VPS54: variants seen among roughly 807,000 people sequenced by gnomAD.
The protein encoded by VPS54 is vacuolar protein sorting-associated protein 54.
Under a neutral mutation model 121.5 loss-of-function variants are expected in VPS54, and 45 were observed. That is an observed-to-expected ratio of 0.37 (90% CI 0.29 to 0.47). The LOEUF is 0.47. Ranked by LOEUF, VPS54 falls within the 20% of genes least tolerant of loss-of-function variation. The pLI, the probability that VPS54 is intolerant of heterozygous loss-of-function variation, is 0.99. For synonymous variants in VPS54, 371 were observed against 385.8 expected, an observed-to-expected ratio of 0.96 and a Z score of 0.45; for missense variants, 1,090 against 1,131.4, an observed-to-expected ratio of 0.96 and a Z score of 0.52.
chr2:63,981,834 A>C lies in VPS54; in HGVS notation c.190T>G (p.Trp64Gly). The change falls in exon 3 of 23, where the codon TGG (tryptophan) becomes GGG (glycine). Residue 64 changes from tryptophan to glycine, a missense_variant. Coordinates refer to ENST00000272322, the MANE Select transcript of VPS54 (RefSeq NM_016516.3). ...APSLVTDQHR[W>G]TVYHSKVNLP... ...TTTACTTTGGAATGATATACAGTCC[A>C]TCTATGTTGATCTGTAACTAGAGAT... 1 of 1,613,670 alleles carries C rather than the reference A, an allele frequency of 6.2e-7. No individual in the cohort carries two copies. The highest frequency in any genetic ancestry group is 8.5e-7 in the Non-Finnish European group (1 of 1,179,718).
intron 1 of VPS54, among the ~76,000 whole-genome samples, chr2:64,009,138 T>C (rs1678308878): frequency 6.6e-6 from 1 of 152,178 alleles, no homozygotes; most frequent in Admixed American, 6.5e-5. Flanking sequence ...TTCAGGCTCC[T>C]GGTGCTTTCC....
rs1471803997 is a variant in VPS54, at chr2:63,899,420, G to A, written c.2733+54C>T. 4 of 1,497,498 alleles carry A rather than the reference G, an allele frequency of 2.7e-6. No individual in the cohort carries two copies. In the East Asian group the frequency reaches 9.1e-5, roughly 34 times the overall value. 92.8% of individuals were successfully genotyped at this position (1,497,498 alleles called of 1,614,324 possible). A position where few individuals can be genotyped will look rare whatever the true frequency, so the allele number is the denominator to read the frequency against. On this transcript the variant is annotated intron_variant, in intron 21 of 22. Coordinates refer to ENST00000272322, the MANE Select transcript of VPS54 (RefSeq NM_016516.3). ...AAGCATGTAAAAACACCCCAATTCT[G>A]TACAGATATTGTATGTTATATATAC...
chr2:63,994,008 C>T (rs1677458599), intron 1 of VPS54, among the ~76,000 whole-genome samples: 1 of 152,130 alleles, frequency 6.6e-6, no homozygotes, highest in East Asian at 1.9e-4. Flanking sequence ...TTGTGTGTCA[C>T]CAGGAGATCA....
intron 20 of VPS54, among the ~76,000 whole-genome samples, chr2:63,903,285 C>T (rs568231695): frequency 6.6e-6 from 1 of 152,282 alleles, no homozygotes; most frequent in African/African-American, 2.4e-5. Flanking sequence ...GACAACTGAA[C>T]TGAATTCTAC....
At chr2:63,994,949 C>G (rs553200749) in intron 1 of VPS54, among the ~76,000 whole-genome samples, 1 of 152,140 alleles carries the variant, frequency 6.6e-6, no homozygotes, top group Non-Finnish European at 1.5e-5. Flanking sequence ...ATTGGGAGAA[C>G]GAGAATCATC....
intron 20 of VPS54, among the ~76,000 whole-genome samples, chr2:63,902,664 G>A (rs1575884321): frequency 6.6e-6 from 1 of 152,096 alleles, no homozygotes; most frequent in Non-Finnish European, 1.5e-5. Context: ...ACGATTAGAG[G>A]GAGATATAAA....
intron 20 of VPS54, 140 bp from the exon 21 acceptor site, chr2:63,899,721 G>C: frequency 3.1e-6 from 2 of 651,184 alleles, no homozygotes; most frequent in South Asian, 4.2e-5. Flanking sequence ...TTTCAACTGT[G>C]ATCTGCGCTA....
In VPS54 at chr2:63,965,849, A is replaced by G. The variant is rs1256443851; in HGVS notation, c.610T>C (p.Leu204=). ...AAAGAAATTACCTTTTCTTGAAGCA[A>G]CTTTGAGGAAGCTGCATCACGATTT... ...KGNRDAASSK[L]LQEKLSHYLD... is the part of the protein sequence containing the mutation. The change falls in exon 6 of 23, where the codon TTG becomes CTG. Residue 204 remains leucine, a synonymous_variant. Coordinates refer to ENST00000272322, the MANE Select transcript of VPS54 (RefSeq NM_016516.3). 2 of 1,611,950 alleles carry G rather than the reference A, an allele frequency of 1.2e-6. No individual in the cohort carries two copies. The highest frequency in any genetic ancestry group is 1.7e-6 in the Non-Finnish European group (2 of 1,179,514).
rs185986347 is a variant in VPS54, at chr2:63,948,886, G to T, written c.1137+151C>A. The T allele has an allele frequency of 2.7e-5, 21 of 791,904 alleles. No homozygotes were observed. In the Admixed American group the frequency reaches 6.4e-4, roughly 24 times the overall value. The allele number at this position is 791,904 out of a possible 1,614,324, so 49.1% of individuals were successfully genotyped here. ...AGGATAGTGAACAATCATGGTGCTT[G>T]CTCAAGTCACATAGCTAGTGAAGGA... On this transcript the variant is annotated intron_variant, in intron 8 of 22. Coordinates refer to ENST00000272322, the MANE Select transcript of VPS54 (RefSeq NM_016516.3).
intron 22 of VPS54, among the ~76,000 whole-genome samples, chr2:63,896,999 A>AC (rs1477718488): frequency 6.6e-6 from 1 of 152,174 alleles, no homozygotes; most frequent in African/African-American, 2.4e-5. Flanking sequence ...TCTAAGTCCT[A>AC]CCCTATGCTT....
chr2:63,967,029 T>C (rs1006469873), intron 5 of VPS54, among the ~76,000 whole-genome samples: 12 of 152,222 alleles, frequency 7.9e-5, no homozygotes, highest in Admixed American at 6.5e-4. Flanking sequence ...CCTCATACTT[T>C]ATAGAAATTA....
intron 1 of VPS54, among the ~76,000 whole-genome samples, chr2:63,993,729 A>C (rs998740843): frequency 1.1e-4 from 17 of 152,306 alleles, no homozygotes; most frequent in Middle Eastern, 3.4e-3. Flanking sequence ...TATCCAAAAA[A>C]CAAATTGTTT....
At chr2:64,013,585 AATATATATCAATATATATCATATG>A (rs1678532774) in intron 1 of VPS54, among the ~76,000 whole-genome samples, 2 of 146,288 alleles carry the variant, frequency 1.4e-5, no homozygotes, top group Non-Finnish European at 3.0e-5. Context: ...TTTATATATA[AATATATATCAATATATATCATATG>A]ATATATATCA....
chr2:63,901,409 G>A (rs1404299464), intron 20 of VPS54, among the ~76,000 whole-genome samples: 2 of 152,114 alleles, frequency 1.3e-5, no homozygotes, highest in Admixed American at 1.3e-4. Context: ...GGCCAAACGT[G>A]GGCTAGGATA....
chr2:64,005,305 G>T (rs1045580263), intron 1 of VPS54, among the ~76,000 whole-genome samples: 3 of 150,122 alleles, frequency 2.0e-5, no homozygotes, highest in Non-Finnish European at 3.0e-5. Context: ...GGGTTTCACC[G>T]TGTTAGCCAA....
chr2:63,987,680 G>C (rs1245898954), intron 1 of VPS54, among the ~76,000 whole-genome samples: 1 of 151,902 alleles, frequency 6.6e-6, no homozygotes, highest in Non-Finnish European at 1.5e-5. Flanking sequence ...TTTCCTTTGT[G>C]TGTGTGTTTG....
At chr2:63,914,509 C>T (rs557477649) in intron 16 of VPS54, among the ~76,000 whole-genome samples, 5 of 152,264 alleles carry the variant, frequency 3.3e-5, no homozygotes, top group Admixed American at 2.6e-4. Context: ...GAGGCTCTTA[C>T]TCTGTGCAAT....
chr2:63,918,966 CAA>C (rs1673511856), intron 15 of VPS54, among the ~76,000 whole-genome samples: 1 of 152,002 alleles, frequency 6.6e-6, no homozygotes, highest in Non-Finnish European at 1.5e-5. Context: ...GTGTTTTACT[CAA>C]GTCTTTCTCT....
At chr2:64,002,216 T>C (rs1047823880) in intron 1 of VPS54, among the ~76,000 whole-genome samples, 2 of 152,136 alleles carry the variant, frequency 1.3e-5, no homozygotes, top group Non-Finnish European at 2.9e-5. Context: ...GCATGGGGGA[T>C]GGGGGAGAGG....
Sources: allele counts gnomAD v4.1 joint callset (sites outside exome capture counted in the v4.1 genomes callset), GRCh38; gene constraint gnomAD v4.1.1; transcripts MANE v1.5; gene names NCBI Gene and HGNC (gene_info 2026-07-23, HGNC 2026-07-21).